The following ZNRF2 variants were observed in gnomAD, a reference collection of about 807,000 sequenced individuals.
ZNRF2 encodes zinc and ring finger 2.
In ZNRF2, 16 loss-of-function variants were observed where a neutral mutation model predicts 20.4. That is an observed-to-expected ratio of 0.79 (90% CI 0.53 to 1.19). The LOEUF (loss-of-function observed/expected upper bound fraction) is 1.19, where lower values mean the gene tolerates loss of function less well. Ranked by LOEUF, ZNRF2 falls within the 50% of genes most tolerant of loss-of-function variation. ZNRF2 has a pLI of 0.00. For missense variants in ZNRF2, 363 were observed against 332.4 expected (o/e 1.09, Z -0.72); for synonymous variants, 178 against 144.9 (o/e 1.23, Z -1.64).
At position 30,285,185 on chromosome 7, in the gene ZNRF2, G is replaced by T; in HGVS notation, c.-173G>T. On this transcript the variant is annotated 5_prime_UTR_variant, in exon 1 of 5. Transcript: ENST00000323037. ...TCGGCCTCGCCCGCCGCCCCAAGAA[G>T]AGCGCGCCGGGCGCCGACTGCCCCT... 1 of 446,012 alleles carries T rather than the reference G, an allele frequency of 2.2e-6. No individual in the cohort carries two copies. The highest frequency in any genetic ancestry group is 3.8e-6 in the Non-Finnish European group (1 of 260,926). 27.6% of individuals were successfully genotyped at this position (446,012 alleles called of 1,614,324 possible).
At chr7:30,344,813 A>G (rs139164098) in intron 2 of ZNRF2, among the ~76,000 whole-genome samples, 1 of 152,288 alleles carries the variant, frequency 6.6e-6, no homozygotes, top group East Asian at 1.9e-4. Context: ...CAGACTGCTT[A>G]TCTATGTGTC....
chr7:30,307,335 T>TG (rs1462593524), intron 1 of ZNRF2, among the ~76,000 whole-genome samples: 2 of 134,460 alleles, frequency 1.5e-5, no homozygotes, highest in Non-Finnish European at 1.6e-5. Flanking sequence ...TGTTTTTTTT[T>TG]TTTTTTTTTT....
intron 1 of ZNRF2, among the ~76,000 whole-genome samples, chr7:30,300,148 CTTT>C (rs11312967): frequency 8.0e-5 from 9 of 113,016 alleles, no homozygotes; most frequent in Admixed American, 1.9e-4. Flanking sequence ...GAATACAAGT[CTTT>C]TTTTTTTTTT....
intron 2 of ZNRF2, among the ~76,000 whole-genome samples, chr7:30,353,076 T>C (rs1325462302): frequency 6.6e-6 from 1 of 152,014 alleles, no homozygotes; most frequent in East Asian, 1.9e-4. Context: ...AAACTGAAAA[T>C]ATTTTTAAAC....
At chr7:30,293,248 A>AGTTTTTT (rs1253225355) in intron 1 of ZNRF2, among the ~76,000 whole-genome samples, 1 of 133,730 alleles carries the variant, frequency 7.5e-6, no homozygotes, top group African/African-American at 2.8e-5. Context: ...AAATTTTTAC[A>AGTTTTTT]TTTTTTTTTT....
chr7:30,356,519 C>T (rs914982444), intron 3 of ZNRF2, among the ~76,000 whole-genome samples: 2 of 151,970 alleles, frequency 1.3e-5, no homozygotes. Context: ...TGATAAACAA[C>T]ACATTTGAAC....
chr7:30,285,336 C>A lies in ZNRF2; in HGVS notation c.-22C>A. On this transcript the variant is annotated 5_prime_UTR_variant, in exon 1 of 5. Coordinates refer to ENST00000323037, the MANE Select transcript of ZNRF2 (RefSeq NM_147128.4). ...CGGCTCTCGGGGCGCAGCGCGCGGG[C>A]CCGGCCCGGGGCAGGGCGGACATGG... is the stretch of plus-strand genomic sequence containing the variant. 2.7e-6 allele frequency: 3 copies of A among 1,105,336 alleles called. No individual in the cohort carries two copies. The highest frequency in any genetic ancestry group is 2.2e-6 in the Non-Finnish European group (2 of 910,330). The allele number at this position is 1,105,336 out of a possible 1,614,324, so 68.5% of individuals were successfully genotyped here.
At chr7:30,328,564 G>C (rs1799587440) in intron 2 of ZNRF2, among the ~76,000 whole-genome samples, 1 of 152,186 alleles carries the variant, frequency 6.6e-6, no homozygotes, top group South Asian at 2.1e-4. Flanking sequence ...TATTTATATA[G>C]ATAAGCTCCT....
At chr7:30,333,103 G>C (rs978968135) in intron 2 of ZNRF2, among the ~76,000 whole-genome samples, 1 of 150,908 alleles carries the variant, frequency 6.6e-6, no homozygotes, top group Non-Finnish European at 1.5e-5. Flanking sequence ...GCCCAGGCTG[G>C]AGTGCAGTGG....
chr7:30,336,601 A>G (rs1046515251), intron 2 of ZNRF2, among the ~76,000 whole-genome samples: 6 of 152,122 alleles, frequency 3.9e-5, no homozygotes, highest in African/African-American at 7.2e-5. Context: ...ATTTCTAGGT[A>G]GTTTCTCATT....
chr7:30,312,017 C>A (rs1799299323), intron 1 of ZNRF2, among the ~76,000 whole-genome samples: 1 of 152,128 alleles, frequency 6.6e-6, no homozygotes, highest in Non-Finnish European at 1.5e-5. Context: ...GCCCCAGTTG[C>A]TAAAAGGTCA....
chr7:30,314,166 A>G (rs974766466), intron 1 of ZNRF2, among the ~76,000 whole-genome samples: 1 of 152,260 alleles, frequency 6.6e-6, no homozygotes, highest in Non-Finnish European at 1.5e-5. Flanking sequence ...TTATTAATTC[A>G]AACAAATTTA....
intron 2 of ZNRF2, 106 bp from the exon 3 acceptor site, chr7:30,355,622 C>A: frequency 1.3e-6 from 1 of 792,814 alleles, no homozygotes; most frequent in South Asian, 1.8e-5. Context: ...AAAAGATATG[C>A]CAAGTAAGGT....
At chr7:30,302,311 G>A (rs1414170436) in intron 1 of ZNRF2, among the ~76,000 whole-genome samples, 1 of 152,122 alleles carries the variant, frequency 6.6e-6, no homozygotes, top group East Asian at 1.9e-4. Flanking sequence ...AACTGGAAAT[G>A]TTCTCTAATA....
In ZNRF2 at chr7:30,324,960, C is replaced by G. The variant is rs538899237; in HGVS notation, c.565+1223C>G. ...CTACCTATGCAGTGCATATGTGTCT[C>G]TGTCTTTCCTCCCATATACAAATTT... On this transcript the variant is annotated intron_variant, in intron 2 of 4. Transcript: ENST00000323037. Among the ~76,000 whole-genome samples the G allele has an allele frequency of 2.0e-5, 3 of 152,294 alleles. No individual in the cohort carries two copies. In the East Asian group the frequency reaches 5.8e-4, roughly 29 times the overall value.
Position 30,284,794 on chromosome 7 carries a change from T to TCTCCCCTCGCGCGCCACCCGTTTTTCCTC in ZNRF2, c.-563_-535dup, listed in dbSNP as rs1798739938. 1 of 183,374 alleles carries TCTCCCCTCGCGCGCCACCCGTTTTTCCTC rather than the reference T, an allele frequency of 5.5e-6. No homozygotes were observed. Among genetic ancestry groups the TCTCCCCTCGCGCGCCACCCGTTTTTCCTC allele is most frequent in the Non-Finnish European group, 1.2e-5 (1 of 84,384 alleles). 11.4% of individuals were successfully genotyped at this position (183,374 alleles called of 1,614,324 possible). A position where few individuals can be genotyped will look rare whatever the true frequency, so the allele number is the denominator to read the frequency against. ...GCCACCTCTCCCTCCCATTTTTCGT[T>TCTCCCCTCGCGCGCCACCCGTTTTTCCTC]CTCCCCTCGCGCGCCACCCGTTTTT... On this transcript the variant is annotated 5_prime_UTR_variant, in exon 1 of 5. Coordinates refer to ENST00000323037, the MANE Select transcript of ZNRF2 (RefSeq NM_147128.4).
intron 2 of ZNRF2, among the ~76,000 whole-genome samples, chr7:30,341,092 T>A (rs984443545): frequency 6.6e-6 from 1 of 152,210 alleles, no homozygotes; most frequent in African/African-American, 2.4e-5. Flanking sequence ...TGATATCCCC[T>A]TTGTCATTTT....
At chr7:30,295,050 A>AGAGAGAGAGTGTGTGTGTGT (rs1412764480) in intron 1 of ZNRF2, among the ~76,000 whole-genome samples, 1 of 38,282 alleles carries the variant, frequency 2.6e-5, no homozygotes, top group Non-Finnish European at 4.8e-5. Context: ...AGAGAGAGAG[A>AGAGAGAGAGTGTGTGTGTGT]GTGTGTGTGT....
chr7:30,309,602 G>A (rs1021997445), intron 1 of ZNRF2, among the ~76,000 whole-genome samples: 3 of 152,176 alleles, frequency 2.0e-5, no homozygotes, highest in African/African-American at 2.4e-5. Flanking sequence ...AAGAGCATTG[G>A]AAGTCAGTGT....
Sources: allele counts gnomAD v4.1 joint callset (sites outside exome capture counted in the v4.1 genomes callset), GRCh38; gene constraint gnomAD v4.1.1; transcripts MANE v1.5; gene names NCBI Gene and HGNC (gene_info 2026-07-23, HGNC 2026-07-21).